Variants in SLC37A1 observed in about 807,000 individuals in gnomAD.
SLC37A1 encodes glucose-6-phosphate exchanger SLC37A1.
SLC37A1 carries 49 observed loss-of-function variants against 75.3 expected under a neutral mutation model. The observed-to-expected ratio is 0.65, with a 90% CI of 0.52 to 0.83. The LOEUF (loss-of-function observed/expected upper bound fraction) is 0.83, where lower values mean the gene tolerates loss of function less well. SLC37A1 is among the 40% of genes least tolerant of loss of function. The pLI is 0.00. For synonymous variants in SLC37A1, 268 were observed against 292.1 expected, an observed-to-expected ratio of 0.92 and a Z score of 0.84; for missense variants, 566 against 695.0, an observed-to-expected ratio of 0.81 and a Z score of 2.09.
At position 42,543,439 on chromosome 21, in the gene SLC37A1, AG is replaced by A; in HGVS notation, c.569del (p.Gly190ValfsTer2). On this transcript the variant is annotated frameshift_variant, in exon 8 of 20. Coordinates refer to ENST00000352133, the MANE Select transcript of SLC37A1 (RefSeq NM_001320537.2). LOFTEE classifies it high-confidence loss of function. ...CTTCTGTTTTGTTGTGCTGCAGGAGAGGTTTGATTATGGGGGTCTGGAACTC... is the reference window on the plus strand; with the variant it reads ...CTTCTGTTTTGTTGTGCTGCAGGAGAGTTTGATTATGGGGGTCTGGAACTC... ...LGNWFGKGRRGLIMGVWNSHT... is the reference protein window; with the variant it reads ...LGNWFGKGRRXLIMGVWNSHT... 1 of 1,613,684 alleles carries A rather than the reference AG, an allele frequency of 6.2e-7. No homozygotes were observed. Among genetic ancestry groups the A allele is most frequent in the Non-Finnish European group, 8.5e-7 (1 of 1,179,922 alleles).
chr21:42,563,760 C>G lies in SLC37A1; in HGVS notation c.1073-55C>G, dbSNP rs148428693. 34 of 1,561,926 alleles carry G rather than the reference C, an allele frequency of 2.2e-5. No homozygotes were observed. The African/African-American group carries it at 3.9e-4, about 18-fold the overall frequency. On this transcript the variant is annotated intron_variant, in intron 12 of 19. Transcript: ENST00000352133. ...GGTCCTGTTCTGCCATGGTGTGTCG[C>G]TGCGATGCGTGAAGGAGATCCTCAC...
At chr21:42,555,359 G>T (rs2055662980) in intron 10 of SLC37A1, among the ~76,000 whole-genome samples, 1 of 152,182 alleles carries the variant, frequency 6.6e-6, no homozygotes, top group Non-Finnish European at 1.5e-5. Context: ...TCCAGCATGT[G>T]TAAGGGGCTG....
In SLC37A1 at chr21:42,580,379, T is replaced by G; in HGVS notation, c.*19T>G. On this transcript the variant is annotated 3_prime_UTR_variant, in exon 20 of 20. Coordinates refer to ENST00000352133, the MANE Select transcript of SLC37A1 (RefSeq NM_001320537.2). ...ACAGTGACACCCCACCCCAGTCCCG[T>G]GGAGGGGGTCTGGGCCCACCCTTCA... 1 of 1,612,694 alleles carries G rather than the reference T, an allele frequency of 6.2e-7. No homozygotes were observed. The highest frequency in any genetic ancestry group is 8.5e-7 in the Non-Finnish European group (1 of 1,179,520).
chr21:42,535,778 C>T (rs539697669), intron 5 of SLC37A1, among the ~76,000 whole-genome samples: 61 of 152,328 alleles, frequency 4.0e-4, no homozygotes, highest in African/African-American at 1.4e-3. Context: ...GTGTCCCGGG[C>T]ACTGTGCCAA....
intron 1 of SLC37A1, among the ~76,000 whole-genome samples, chr21:42,501,547 C>A (rs1406907875): frequency 6.6e-6 from 1 of 152,132 alleles, no homozygotes; most frequent in Non-Finnish European, 1.5e-5. Context: ...CCTGTCTCTA[C>A]TAAAAATACA....
rs1601720343 is a variant in SLC37A1 at position 42,545,801 on chromosome 21, G to A, written c.731-1302G>A. On this transcript the variant is annotated intron_variant, in intron 8 of 19. Transcript: ENST00000352133. This position sits in a 1 kb window ranked among gnomAD's most constrained non-coding sequence, Gnocchi z 4.0. The stretch of plus-strand genomic sequence containing the variant: ...GTGGACCATTGGGACTGCCCAACAT[G>A]CCGACCATGTGTCCTTGGTCAGTGG... Among the ~76,000 whole-genome samples, 1 of 152,374 alleles carries A rather than the reference G, an allele frequency of 6.6e-6. No individual in the cohort carries two copies. The highest frequency in any genetic ancestry group is 1.9e-4 in the East Asian group (1 of 5,186).
chr21:42,571,792 G>T (rs554407410), intron 17 of SLC37A1, among the ~76,000 whole-genome samples: 3 of 94,580 alleles, frequency 3.2e-5, no homozygotes, highest in African/African-American at 1.5e-4. Context: ...GTTTTTTCCC[G>T]GGTAAGTAAA....
intron 7 of SLC37A1, among the ~76,000 whole-genome samples, chr21:42,542,829 TG>T (rs2055316321): frequency 1.3e-5 from 2 of 152,280 alleles, no homozygotes; most frequent in East Asian, 3.8e-4. Flanking sequence ...AGTCCCGACC[TG>T]GGTCACCCAG....
intron 17 of SLC37A1, among the ~76,000 whole-genome samples, chr21:42,568,721 C>G (rs1316281181): frequency 2.0e-5 from 3 of 152,188 alleles, no homozygotes; most frequent in Non-Finnish European, 4.4e-5. Context: ...CAGGTCCACT[C>G]ATTATTTATC....
In SLC37A1 at chr21:42,518,344, G is replaced by A; in HGVS notation, c.-111G>A. On this transcript the variant is annotated 5_prime_UTR_variant, in exon 2 of 20. Coordinates refer to ENST00000352133, the MANE Select transcript of SLC37A1 (RefSeq NM_001320537.2). ...GGACACCTTCTTTCCACGCTTTCCA[G>A]CCTGTGGGAGCGGCAGGGGCAACAG... The A allele has an allele frequency of 7.2e-7, 1 of 1,392,832 alleles. No individual in the cohort carries two copies. Among genetic ancestry groups the A allele is most frequent in the Non-Finnish European group, 1.0e-6 (1 of 983,058 alleles). The allele number at this position is 1,392,832 out of a possible 1,614,324, so 86.3% of individuals were successfully genotyped here.
At chr21:42,511,283 A>G (rs1397451814), upstream of SLC37A1, among the ~76,000 whole-genome samples, 1 of 152,218 alleles carries the variant, frequency 6.6e-6, no homozygotes, top group Non-Finnish European at 1.5e-5. Flanking sequence ...AAATTCCTTA[A>G]GACAAATTAA....
chr21:42,561,941 C>T (rs867371657), intron 11 of SLC37A1, 137 bp from the exon 12 acceptor site: 8 of 712,128 alleles, frequency 1.1e-5, no homozygotes, highest in South Asian at 9.7e-5. Context: ...CTCCCCAGTA[C>T]GTGTCTGGAG....
Position 42,543,515 on chromosome 21 carries a change from G to A in SLC37A1, c.643G>A (p.Val215Met). The A allele has an allele frequency of 6.2e-7, 1 of 1,614,148 alleles. No individual in the cohort carries two copies. Among genetic ancestry groups the A allele is most frequent in the East Asian group, 2.2e-5 (1 of 44,880 alleles). ...GGGGTCATTGATCGCTGGCTACTGG[G>A]TGTCCACATGCTGGGGCCTGTCCTT... ...ILGSLIAGYW[V>M]STCWGLSFVV... The change falls in exon 8 of 20, where the codon GTG (valine) becomes ATG (methionine). Residue 215 changes from valine to methionine, a missense_variant. Coordinates refer to ENST00000352133, the MANE Select transcript of SLC37A1 (RefSeq NM_001320537.2).
At chr21:42,554,379 C>G (rs1184375722) in intron 10 of SLC37A1, among the ~76,000 whole-genome samples, 3 of 152,152 alleles carry the variant, frequency 2.0e-5, no homozygotes, top group African/African-American at 4.8e-5. Context: ...TTTCAATGTC[C>G]CAGGCACTAT....
intron 17 of SLC37A1, among the ~76,000 whole-genome samples, chr21:42,571,940 T>C (rs1395326750): frequency 6.6e-6 from 1 of 152,150 alleles, no homozygotes; most frequent in Non-Finnish European, 1.5e-5. Flanking sequence ...AGAGCACCTG[T>C]CACCACGGTG....
intron 7 of SLC37A1, among the ~76,000 whole-genome samples, chr21:42,542,880 C>A (rs572256312): frequency 6.6e-6 from 1 of 152,248 alleles, no homozygotes; most frequent in African/African-American, 2.4e-5. Flanking sequence ...CCCAGCCTGG[C>A]GAGTCCAGAT....
chr21:42,503,928 G>A (rs552338795), intron 2 of SLC37A1, among the ~76,000 whole-genome samples: 7 of 152,244 alleles, frequency 4.6e-5, no homozygotes, highest in South Asian at 2.1e-4. Context: ...GGAACCAGAC[G>A]GGGCCCCTGG....
intron 17 of SLC37A1, among the ~76,000 whole-genome samples, chr21:42,570,231 A>AT (rs2056116698): frequency 1.7e-5 from 1 of 57,948 alleles, no homozygotes; most frequent in African/African-American, 5.6e-5. Flanking sequence ...GGCCGTTGCC[A>AT]TGTCATGTGA....
rs1315779442 is a variant in SLC37A1, at chr21:42,547,008, G to T, written c.731-95G>T. ...TGCATACAGTCCAGTTTCACACCCG[G>T]TGCTCCCGTGTTGCCCTGTCCTCGG... is the stretch of plus-strand genomic sequence containing the variant. On this transcript the variant is annotated intron_variant, in intron 8 of 19. Coordinates refer to ENST00000352133, the MANE Select transcript of SLC37A1 (RefSeq NM_001320537.2). This position sits in a 1 kb window ranked among gnomAD's most constrained non-coding sequence, Gnocchi z 6.1. The T allele has an allele frequency of 7.0e-7, 1 of 1,429,892 alleles. No homozygotes were observed. The highest frequency in any genetic ancestry group is 9.9e-7 in the Non-Finnish European group (1 of 1,014,754). The allele number at this position is 1,429,892 out of a possible 1,614,324, so 88.6% of individuals were successfully genotyped here.
Sources: gnomAD v4.1 joint callset for allele counts (sites outside exome capture counted in the v4.1 genomes callset) on GRCh38, gnomAD v4.1.1 for gene constraint, Gnocchi (gnomAD v3.1) non-coding constraint, MANE v1.5 for transcripts, NCBI Gene and HGNC (gene_info 2026-07-23, HGNC 2026-07-21) for gene names.